The following EIF4G3 variants were observed in gnomAD, a reference collection of about 807,000 sequenced individuals.
EIF4G3 encodes eukaryotic translation initiation factor 4 gamma 3.
A neutral mutation model predicts 186.4 loss-of-function variants in EIF4G3; 34 were observed. The observed-to-expected ratio is 0.18, with a 90% CI of 0.14 to 0.24. EIF4G3 has a LOEUF of 0.24. Ranked by LOEUF, EIF4G3 falls within the 10% of genes least tolerant of loss-of-function variation. The pLI is 1.00. For synonymous variants in EIF4G3, 673 were observed against 679.5 expected (o/e 0.99, Z 0.15); for missense variants, 1,536 against 1,948.5 (o/e 0.79, Z 3.99).
intron 3 of EIF4G3, among the ~76,000 whole-genome samples, chr1:21,065,439 G>A (rs1413496020): frequency 6.7e-6 from 1 of 150,274 alleles, no homozygotes; most frequent in African/African-American, 2.4e-5. Context: ...GTGTGCACTT[G>A]TAGTCCTAGC....
chr1:21,031,377 A>C (rs2154571894), intron 4 of EIF4G3, among the ~76,000 whole-genome samples: 1 of 148,310 alleles, frequency 6.7e-6, no homozygotes, highest in Non-Finnish European at 1.5e-5. Context: ...AAAATGAGGA[A>C]TGATGGCAAA....
At chr1:21,151,236 C>CTTTTTTTTTTTTTTT (rs71014161) in intron 2 of EIF4G3, among the ~76,000 whole-genome samples, 21 of 80,438 alleles carry the variant, frequency 2.6e-4, no homozygotes, top group Non-Finnish European at 3.5e-4. Flanking sequence ...GTATTTCTTT[C>CTTTTTTTTTTTTTTT]TTTTTTTTTT....
chr1:21,172,600 G>A (rs1217429126), intron 2 of EIF4G3, among the ~76,000 whole-genome samples: 1 of 152,134 alleles, frequency 6.6e-6, no homozygotes, highest in East Asian at 1.9e-4. Context: ...CCAGGTTGGA[G>A]TGCAGTAGAG....
chr1:21,067,379 C>T (rs1390279878), intron 3 of EIF4G3, among the ~76,000 whole-genome samples: 1 of 152,020 alleles, frequency 6.6e-6, no homozygotes, highest in Non-Finnish European at 1.5e-5. Flanking sequence ...GTGATCTGCC[C>T]ACCATAGCCT....
chr1:21,126,577 T>C (rs1047106907), intron 2 of EIF4G3, among the ~76,000 whole-genome samples: 1 of 151,820 alleles, frequency 6.6e-6, no homozygotes, highest in African/African-American at 2.4e-5. Flanking sequence ...GATCCCTTGA[T>C]CCCAGGAGTT....
In EIF4G3 at chr1:20,942,265, C is replaced by T. The variant is rs1439299907; in HGVS notation, c.889G>A (p.Gly297Arg). ...TGGCCTTCTTGTTCTTTCTTCTCTC[C>T]ACTGAGGACTAGCCTAAGGACTGGG... is the stretch of plus-strand genomic sequence containing the variant. ...PSPVLRLVLSGEKKEQEGQTS... is the reference protein window; with the variant it reads ...PSPVLRLVLSREKKEQEGQTS... The change falls in exon 14 of 37, where the codon GGA becomes AGA. Residue 297 changes from glycine (G) to arginine (R), a missense_variant. Coordinates refer to ENST00000602326, the MANE Select transcript of EIF4G3 (RefSeq NM_001391906.1). The T allele has an allele frequency of 3.1e-6, 5 of 1,613,546 alleles. No homozygotes were observed. The highest frequency in any genetic ancestry group is 4.2e-6 in the Non-Finnish European group (5 of 1,179,730).
intron 33 of EIF4G3, among the ~76,000 whole-genome samples, chr1:20,819,294 G>A (rs138760004): frequency 1.9e-4 from 29 of 150,794 alleles, no homozygotes; most frequent in African/African-American, 7.1e-4. Flanking sequence ...ATATTATTTT[G>A]CCTTTTTTTT....
chr1:20,907,558 C>T (rs2092442030), intron 14 of EIF4G3, among the ~76,000 whole-genome samples: 2 of 141,990 alleles, frequency 1.4e-5, no homozygotes, highest in Admixed American at 1.5e-4. Flanking sequence ...AACCCCACAA[C>T]AGTCCCCGGT....
intron 2 of EIF4G3, among the ~76,000 whole-genome samples, chr1:21,149,344 T>A (rs1044909044): frequency 6.6e-6 from 1 of 152,354 alleles, no homozygotes; most frequent in Admixed American, 6.5e-5. Flanking sequence ...TGTTATTCTT[T>A]TTTTTTCCCT....
chr1:20,938,842 C>T (rs560015827), intron 14 of EIF4G3, among the ~76,000 whole-genome samples: 4 of 152,302 alleles, frequency 2.6e-5, no homozygotes, highest in South Asian at 2.1e-4. Context: ...GGTGTGGTGG[C>T]TCATGCCTGT....
intron 2 of EIF4G3, among the ~76,000 whole-genome samples, chr1:21,108,472 C>CTA (rs2096657087): frequency 6.6e-6 from 1 of 152,078 alleles, no homozygotes; most frequent in Admixed American, 6.6e-5. Flanking sequence ...CAATTTTACT[C>CTA]TATTACATCC....
At chr1:20,959,131 A>T (rs2096509516) in intron 12 of EIF4G3, among the ~76,000 whole-genome samples, 1 of 151,732 alleles carries the variant, frequency 6.6e-6, no homozygotes. Context: ...CATCACAATT[A>T]CTTCAAATCA....
chr1:20,952,625 G>A (rs763760439), intron 12 of EIF4G3, among the ~76,000 whole-genome samples: 21 of 152,150 alleles, frequency 1.4e-4, no homozygotes, highest in Non-Finnish European at 2.8e-4. Flanking sequence ...AAGGCAGACA[G>A]ATCACCAGAG....
chr1:21,127,225 C>A (rs1412328164), intron 2 of EIF4G3, among the ~76,000 whole-genome samples: 2 of 152,142 alleles, frequency 1.3e-5, no homozygotes, highest in African/African-American at 4.8e-5. Flanking sequence ...ATGGGCTGCA[C>A]CAATCCTCCC....
chr1:20,894,079 A>G (rs1257015320), intron 17 of EIF4G3, among the ~76,000 whole-genome samples: 3 of 152,090 alleles, frequency 2.0e-5, no homozygotes, highest in Non-Finnish European at 4.4e-5. Context: ...GTTAGTAAAG[A>G]ATGTACTATG....
intron 14 of EIF4G3, among the ~76,000 whole-genome samples, chr1:20,939,298 C>T (rs1045900122): frequency 2.0e-5 from 3 of 151,902 alleles, no homozygotes; most frequent in South Asian, 2.1e-4. Context: ...CATCACAAAC[C>T]TCTGTTATTC....
chr1:20,945,444 A>G (rs1039186999), intron 13 of EIF4G3, among the ~76,000 whole-genome samples: 5 of 152,158 alleles, frequency 3.3e-5, no homozygotes, highest in African/African-American at 1.2e-4. Flanking sequence ...AATGATATGG[A>G]AAGTTGTTTG....
chr1:21,146,396 C>T (rs926666034), intron 2 of EIF4G3, among the ~76,000 whole-genome samples: 1 of 152,210 alleles, frequency 6.6e-6, no homozygotes, highest in Admixed American at 6.5e-5. Flanking sequence ...GAAGGGCAAA[C>T]ATATGGCTAT....
intron 2 of EIF4G3, among the ~76,000 whole-genome samples, chr1:21,136,668 C>T (rs2102590629): frequency 6.6e-6 from 1 of 152,274 alleles, no homozygotes; most frequent in African/African-American, 2.4e-5. Flanking sequence ...GTAACTAACC[C>T]AGGAAGGAAA....
Sources: allele counts gnomAD v4.1 joint callset (sites outside exome capture counted in the v4.1 genomes callset), GRCh38; gene constraint gnomAD v4.1.1; transcripts MANE v1.5; gene names NCBI Gene and HGNC (gene_info 2026-07-23, HGNC 2026-07-21).